Variants in CAND1 observed in about 807,000 individuals in gnomAD.
CAND1 encodes cullin-associated NEDD8-dissociated protein 1.
Under a neutral mutation model 108.5 loss-of-function variants are expected in CAND1, and 7 were observed. The observed-to-expected ratio is 0.06, with a 90% CI of 0.04 to 0.12. The LOEUF (loss-of-function observed/expected upper bound fraction) is 0.12. CAND1 is among the 10% of genes least tolerant of loss of function. The probability of loss-of-function intolerance (pLI) is 1.00; values close to 1 mark genes in which losing one functional copy is unlikely to be tolerated. For synonymous variants in CAND1, 534 were observed against 512.0 expected, an observed-to-expected ratio of 1.04 and a Z score of -0.58; for missense variants, 941 against 1,448.7, an observed-to-expected ratio of 0.65 and a Z score of 5.69.
At chr12:67,282,561 T>A (rs1005574401) in intron 2 of CAND1, among the ~76,000 whole-genome samples, 2 of 152,126 alleles carry the variant, frequency 1.3e-5, no homozygotes, top group African/African-American at 2.4e-5. Context: ...CCTCATTTTT[T>A]AAAATTTTCT....
intron 2 of CAND1, among the ~76,000 whole-genome samples, chr12:67,286,029 A>G (rs2044667527): frequency 6.6e-6 from 1 of 151,930 alleles, no homozygotes; most frequent in Non-Finnish European, 1.5e-5. Context: ...TTTTTTTGAG[A>G]CAGATTCTCG....
At chr12:67,279,626 A>T (rs183734333) in intron 1 of CAND1, among the ~76,000 whole-genome samples, 2 of 152,226 alleles carry the variant, frequency 1.3e-5, no homozygotes, top group East Asian at 3.9e-4. Flanking sequence ...GATTTTTGAA[A>T]ATCAGTAGGC....
In CAND1 at chr12:67,269,598, G is replaced by T; in HGVS notation, c.-120G>T. On this transcript the variant is annotated 5_prime_UTR_variant, in exon 1 of 15. Transcript: ENST00000545606. ...CTAGTCAGCGTCGGCGTCGCGCTGC[G>T]ACCCTGGAAGCGGGAGCCGCCGCGA... 1 of 808,022 alleles carries T rather than the reference G, an allele frequency of 1.2e-6. No individual in the cohort carries two copies. The allele number at this position is 808,022 out of a possible 1,614,324, so 50.1% of individuals were successfully genotyped here. A position where few individuals can be genotyped will look rare whatever the true frequency, so the allele number is the denominator to read the frequency against.
chr12:67,284,507 G>A (rs568414279), intron 2 of CAND1, among the ~76,000 whole-genome samples: 13 of 151,960 alleles, frequency 8.6e-5, no homozygotes, highest in Non-Finnish European at 1.5e-4. Flanking sequence ...AAAACAAAAC[G>A]AACAAAAGCA....
Position 67,305,739 on chromosome 12 carries a change from G to A in CAND1, c.2071G>A (p.Asp691Asn). Residue 691 changes from aspartate to asparagine, a missense_variant, in exon 10 of 15, where the codon GAT becomes AAT. Around this residue, in one of 9 missense-constraint regions of CAND1, gnomAD observed 697 missense variants for 942.0 expected, o/e 0.74. Coordinates refer to ENST00000545606, the MANE Select transcript of CAND1 (RefSeq NM_018448.5). The surrounding 1 kb of genome is among the most constrained non-coding windows in gnomAD (Gnocchi z 4.4). ...TGACAGCTTGACAGCTGCCATGATT[G>A]ATGCAGTTCTAGATGAGCTCCCACC... ...YSDSLTAAMI[D>N]AVLDELPPLI... The A allele has an allele frequency of 1.2e-6, 2 of 1,614,172 alleles. No individual in the cohort carries two copies. Among genetic ancestry groups the A allele is most frequent in the Non-Finnish European group, 1.7e-6 (2 of 1,180,026 alleles).
At position 67,310,457 on chromosome 12, in the gene CAND1, G is replaced by A; in HGVS notation, c.3360+141G>A. ...TGATAAGCATATTGTAAACTATAAA[G>A]TGCAAAAGTAATAGGCAGTGTAACA... On this transcript the variant is annotated intron_variant, in intron 13 of 14. Coordinates refer to ENST00000545606, the MANE Select transcript of CAND1 (RefSeq NM_018448.5). The A allele has an allele frequency of 6.6e-6, 4 of 604,232 alleles. No homozygotes were observed. In the South Asian group the frequency reaches 8.9e-5, roughly 13 times the overall value. 37.4% of individuals were successfully genotyped at this position (604,232 alleles called of 1,614,324 possible). A position where few individuals can be genotyped will look rare whatever the true frequency, so the allele number is the denominator to read the frequency against.
At chr12:67,292,933 C>T in intron 3 of CAND1, 157 bp downstream of exon 3, 1 of 601,668 alleles carries the variant, frequency 1.7e-6, no homozygotes, top group South Asian at 2.1e-5. Context: ...AAGCGTGAAG[C>T]CTTATTTTCC....
At chr12:67,308,292 G>T (rs1010549232) in intron 11 of CAND1, among the ~76,000 whole-genome samples, 1 of 152,034 alleles carries the variant, frequency 6.6e-6, no homozygotes, top group Non-Finnish European at 1.5e-5. Context: ...CATAGAAAGG[G>T]ATTGCCAATT....
chr12:67,291,641 A>G (rs564454257), intron 2 of CAND1, among the ~76,000 whole-genome samples: 1 of 152,288 alleles, frequency 6.6e-6, no homozygotes, highest in East Asian at 1.9e-4. Flanking sequence ...ATTTTATATG[A>G]TATTTTTAGT....
chr12:67,316,196 G>A lies in CAND1; in HGVS notation c.*3366G>A, dbSNP rs1476964332. The A allele has an allele frequency of 1.3e-5, 2 of 152,114 alleles. No individual in the cohort carries two copies. Among genetic ancestry groups the A allele is most frequent in the African/African-American group, 4.8e-5 (2 of 41,428 alleles). The allele number at this position is 152,114 out of a possible 1,614,324, so 9.4% of individuals were successfully genotyped here. On this transcript the variant is annotated 3_prime_UTR_variant, in exon 15 of 15. Coordinates refer to ENST00000545606, the MANE Select transcript of CAND1 (RefSeq NM_018448.5). Reference sequence around the variant, plus strand: ...TTATGGAATGGAAAATTGACAGTATGGTAATAGTTTATTGACTGATTGGAC... The same window carrying A: ...TTATGGAATGGAAAATTGACAGTATAGTAATAGTTTATTGACTGATTGGAC...
At position 67,274,264 on chromosome 12, in the gene CAND1, A is replaced by G. The variant is rs551501070; in HGVS notation, c.68+4479A>G. Among the ~76,000 whole-genome samples the G allele has an allele frequency of 1.3e-3, 192 of 152,366 alleles. 1 individual carries two copies. The highest frequency in any genetic ancestry group is 4.4e-3 in the African/African-American group (183 of 41,582). On this transcript the variant is annotated intron_variant, in intron 1 of 14. Transcript: ENST00000545606. Reference sequence around the variant, plus strand: ...TACATGCTTGTTGAATAGTTAAGACACTATTGTAAAAAGATGAATAACCCA... The same window carrying G: ...TACATGCTTGTTGAATAGTTAAGACGCTATTGTAAAAAGATGAATAACCCA...
At chr12:67,296,093 G>A (rs2044766203) in intron 4 of CAND1, among the ~76,000 whole-genome samples, 1 of 152,134 alleles carries the variant, frequency 6.6e-6, no homozygotes, top group African/African-American at 2.4e-5. Context: ...GAATAGAAAA[G>A]CAGTAGGAAA....
chr12:67,311,190 G>T (rs2044944986), intron 13 of CAND1: 1 of 151,692 alleles, frequency 6.6e-6, no homozygotes. Context: ...GTAAAAGGAT[G>T]TGCTTGTTTA....
chr12:67,292,560 T>G (rs1435956703), intron 2 of CAND1, 62 bp from the exon 3 acceptor site: 2 of 1,186,910 alleles, frequency 1.7e-6, no homozygotes, highest in East Asian at 2.4e-5. Context: ...TTTCTACTTA[T>G]GTATTTTCCT....
intron 2 of CAND1, among the ~76,000 whole-genome samples, chr12:67,286,231 C>T (rs147439925): frequency 0.013 from 1,917 of 152,156 alleles, 48 homozygotes; most frequent in African/African-American, 0.043. Flanking sequence ...AGGATGGTCG[C>T]GATCTCCTGA....
intron 2 of CAND1, among the ~76,000 whole-genome samples, chr12:67,291,950 C>T (rs1204230317): frequency 2.0e-5 from 3 of 152,152 alleles, no homozygotes; most frequent in African/African-American, 4.8e-5. Context: ...CTGCAACCTC[C>T]GCCTCCTGGG....
Position 67,310,235 on chromosome 12 carries a change from A to G in CAND1, c.3279A>G (p.Leu1093=). 1 of 1,612,292 alleles carries G rather than the reference A, an allele frequency of 6.2e-7. No individual in the cohort carries two copies. The highest frequency in any genetic ancestry group is 8.5e-7 in the Non-Finnish European group (1 of 1,178,510). Residue 1093 remains leucine, a synonymous_variant, in exon 13 of 15, where the codon CTA becomes CTG. Transcript: ENST00000545606. The stretch of plus-strand genomic sequence containing the variant: ...CATTTGAGTGTATGTACACACTTCT[A>G]GACAGTTGTCTTGATAGACTTGATA... ...KAAFECMYTL[L]DSCLDRLDIF... is the part of the protein sequence containing the mutation.
chr12:67,309,290 T>G (rs1393240286), intron 11 of CAND1, among the ~76,000 whole-genome samples: 2 of 151,980 alleles, frequency 1.3e-5, no homozygotes, highest in Non-Finnish European at 2.9e-5. Flanking sequence ...AATACCTAGA[T>G]GGCTTCTCTG....
rs1161085 is a variant in CAND1, at chr12:67,317,320, G to A, written c.*4490G>A. On this transcript the variant is annotated 3_prime_UTR_variant, in exon 15 of 15. Coordinates refer to ENST00000545606, the MANE Select transcript of CAND1 (RefSeq NM_018448.5). ...CCAGCTAATTTTTTTATTTCCTTGT[G>A]GAGATGGGGTCTCATGACCTTGTCC... 84,141 of 151,710 alleles carry A rather than the reference G, an allele frequency of 0.55. 24,457 individuals carry two copies. The highest frequency in any genetic ancestry group is 0.65 in the Non-Finnish European group (44,311 of 67,986). The allele number at this position is 151,710 out of a possible 1,614,324, so 9.4% of individuals were successfully genotyped here. A position where few individuals can be genotyped will look rare whatever the true frequency, so the allele number is the denominator to read the frequency against.
Sources: allele counts gnomAD v4.1 joint callset (sites outside exome capture counted in the v4.1 genomes callset), GRCh38; gene constraint gnomAD v4.1.1; regional missense constraint gnomAD v4.1.1; non-coding constraint Gnocchi (gnomAD v3.1); transcripts MANE v1.5; gene names NCBI Gene and HGNC (gene_info 2026-07-23, HGNC 2026-07-21).